SSBP2: variants seen among roughly 807,000 people sequenced by gnomAD.
The protein encoded by SSBP2 is single-stranded DNA-binding protein 2.
Under a neutral mutation model 61.8 loss-of-function variants are expected in SSBP2, and 17 were observed. That is an observed-to-expected ratio of 0.28 (90% CI 0.19 to 0.41). The LOEUF is 0.41. Among genes scored for constraint, SSBP2 ranks in the 10% least tolerant of loss-of-function variants. The pLI is 1.00. For missense variants in SSBP2, 310 were observed against 458.7 expected (o/e 0.68, Z 2.96); for synonymous variants, 139 against 141.3 (o/e 0.98, Z 0.12).
At position 81,468,740 on chromosome 5, in the gene SSBP2, A is replaced by T. The variant is rs115517991; in HGVS notation, c.571-1699T>A. On this transcript the variant is annotated intron_variant, in intron 8 of 16. Transcript: ENST00000320672. ...TCCAGAGTGTAAGCTACAGTTGATA[A>T]ATGACATTACCTAGTTACATGCTAT... 8.3e-4 allele frequency among the ~76,000 whole-genome samples: 127 copies of T among 152,098 alleles called. 1 individual carries two copies. Among genetic ancestry groups the T allele is most frequent in the African/African-American group, 2.9e-3 (122 of 41,556 alleles).
intron 16 of SSBP2, among the ~76,000 whole-genome samples, chr5:81,425,359 T>C (rs1446462159): frequency 6.6e-6 from 1 of 152,224 alleles, no homozygotes. Context: ...GAAATAAATT[T>C]AGTATTTATG....
At chr5:81,462,908 T>G (rs57681369) in intron 9 of SSBP2, among the ~76,000 whole-genome samples, 5,336 of 152,208 alleles carry the variant, frequency 0.035, 130 homozygotes, top group African/African-American at 0.069. Context: ...AAACAAGTAC[T>G]GTATGAATAA....
intron 12 of SSBP2, among the ~76,000 whole-genome samples, chr5:81,445,136 T>TA (rs1554065500): frequency 1.8e-4 from 2 of 10,912 alleles, no homozygotes; most frequent in African/African-American, 1.1e-3. Flanking sequence ...AAAAAAAAAA[T>TA]TTTATATATA....
chr5:81,451,460 CTT>C (rs1561415586), intron 10 of SSBP2, among the ~76,000 whole-genome samples: 1 of 151,928 alleles, frequency 6.6e-6, no homozygotes. Flanking sequence ...GAGTTTCGCT[CTT>C]GTTGCCCAGG....
intron 1 of SSBP2, among the ~76,000 whole-genome samples, chr5:81,742,402 G>A (rs894591510): frequency 2.0e-5 from 3 of 152,122 alleles, no homozygotes; most frequent in East Asian, 3.9e-4. Context: ...AGCTAGATAC[G>A]GTGATAGACT....
chr5:81,489,565 T>A (rs1766698364), intron 5 of SSBP2, among the ~76,000 whole-genome samples: 1 of 152,096 alleles, frequency 6.6e-6, no homozygotes, highest in Non-Finnish European at 1.5e-5. Context: ...CAAAATCTTT[T>A]AAAAATGTGA....
chr5:81,420,783 A>C (rs1761556688), intron 16 of SSBP2, among the ~76,000 whole-genome samples: 1 of 152,128 alleles, frequency 6.6e-6, no homozygotes, highest in African/African-American at 2.4e-5. Context: ...CCAGAGGCTC[A>C]TCATTACCCA....
chr5:81,530,281 TA>T (rs1252499650), intron 4 of SSBP2, among the ~76,000 whole-genome samples: 1 of 152,050 alleles, frequency 6.6e-6, no homozygotes, highest in East Asian at 1.9e-4. Flanking sequence ...TACCACAAAG[TA>T]AGGTATCAAT....
intron 5 of SSBP2, among the ~76,000 whole-genome samples, chr5:81,490,970 C>T (rs1370802325): frequency 6.6e-6 from 1 of 152,144 alleles, no homozygotes; most frequent in Non-Finnish European, 1.5e-5. Flanking sequence ...AAAGTTGTCT[C>T]TCATTTATCA....
At chr5:81,710,727 T>C (rs1277239247) in intron 1 of SSBP2, 9 of 454,452 alleles carry the variant, frequency 2.0e-5, no homozygotes, top group Non-Finnish European at 4.0e-5. Flanking sequence ...ATCACAAGCA[T>C]CACCCTTACA....
chr5:81,570,598 G>A (rs1308079466), intron 4 of SSBP2, among the ~76,000 whole-genome samples: 6 of 152,192 alleles, frequency 3.9e-5, no homozygotes, highest in African/African-American at 9.7e-5. Context: ...CAACAGGGGC[G>A]TCTGCCTGAG....
chr5:81,664,569 GA>G (rs1237782105), intron 1 of SSBP2, among the ~76,000 whole-genome samples: 5 of 152,124 alleles, frequency 3.3e-5, no homozygotes, highest in African/African-American at 7.2e-5. Context: ...GGCATTCAAG[GA>G]AAAAAGTTTT....
intron 1 of SSBP2, among the ~76,000 whole-genome samples, chr5:81,709,495 C>T (rs1269739880): frequency 6.6e-6 from 1 of 151,840 alleles, no homozygotes; most frequent in East Asian, 1.9e-4. Flanking sequence ...ATCTTAATCA[C>T]AATTTATAGC....
chr5:81,710,170 T>C (rs1754672740), intron 1 of SSBP2, among the ~76,000 whole-genome samples: 1 of 152,024 alleles, frequency 6.6e-6, no homozygotes, highest in African/African-American at 2.4e-5. Context: ...GGCAAGCTTA[T>C]AGGACACAAT....
intron 4 of SSBP2, among the ~76,000 whole-genome samples, chr5:81,561,023 T>C (rs1253712780): frequency 6.6e-6 from 1 of 152,216 alleles, no homozygotes; most frequent in African/African-American, 2.4e-5. Flanking sequence ...CACTATCCTA[T>C]GATCATAGGA....
upstream of SSBP2, chr5:81,751,150 G>T (rs989282710): frequency 2.5e-5 from 28 of 1,137,824 alleles, no homozygotes; most frequent in Non-Finnish European, 3.4e-5. Flanking sequence ...CCCACTATTG[G>T]CCGCCCCACG....
At chr5:81,557,330 T>C (rs951888661) in intron 4 of SSBP2, among the ~76,000 whole-genome samples, 2 of 152,196 alleles carry the variant, frequency 1.3e-5, no homozygotes, top group African/African-American at 4.8e-5. Context: ...TTTTTCTTCA[T>C]GTTTTTGTGC....
chr5:81,737,801 A>AC (rs1561745726), intron 1 of SSBP2, among the ~76,000 whole-genome samples: 2 of 151,320 alleles, frequency 1.3e-5, no homozygotes, highest in Non-Finnish European at 2.9e-5. Flanking sequence ...AAAAAAAAAA[A>AC]AACAAAAAAC....
chr5:81,462,820 C>T (rs1764630925), intron 9 of SSBP2, among the ~76,000 whole-genome samples: 2 of 151,988 alleles, frequency 1.3e-5, no homozygotes, highest in South Asian at 2.1e-4. Context: ...CATAAAAGTA[C>T]ACCATATGCA....
Sources: gnomAD v4.1 joint callset for allele counts (sites outside exome capture counted in the v4.1 genomes callset) on GRCh38, gnomAD v4.1.1 for gene constraint, MANE v1.5 for transcripts, NCBI Gene and HGNC (gene_info 2026-07-23, HGNC 2026-07-21) for gene names.